THSD7B: variants seen among roughly 807,000 people sequenced by gnomAD.
THSD7B encodes thrombospondin type-1 domain-containing protein 7B.
Under a neutral mutation model 213.6 loss-of-function variants are expected in THSD7B, and 138 were observed. The observed-to-expected ratio is 0.65, with a 90% confidence interval of 0.56 to 0.74. The LOEUF (loss-of-function observed/expected upper bound fraction) is 0.74. Among genes scored for constraint, THSD7B ranks in the 30% least tolerant of loss-of-function variants. The pLI, the probability that THSD7B is intolerant of heterozygous loss-of-function variation, is 0.00. For missense variants in THSD7B, 1,931 were observed against 1,991.5 expected (o/e 0.97, Z 0.58); for synonymous variants, 742 against 687.0 (o/e 1.08, Z -1.25).
chr2:137,278,148 G>C (rs1009255342), intron 12 of THSD7B, among the ~76,000 whole-genome samples: 2 of 151,928 alleles, frequency 1.3e-5, no homozygotes, highest in African/African-American at 4.8e-5. Flanking sequence ...AGAGAAATGA[G>C]AATATAAAGG....
rs1558834393 is a variant in THSD7B at position 137,546,435 on chromosome 2, T to TATATAA, written c.3139-16786_3139-16785insATATAA. ...ATATATTATATATATTATATATATA[T>TATATAA]TATATATATTATATATATATTATAT... On this transcript the variant is annotated intron_variant, in intron 15 of 27. Transcript: ENST00000409968. Among the ~76,000 whole-genome samples the TATATAA allele has an allele frequency of 4.9e-4, 16 of 32,738 alleles. 3 individuals are homozygous for TATATAA. The highest frequency in any genetic ancestry group is 2.9e-3 in the African/African-American group (15 of 5,110). 21.5% of individuals were successfully genotyped at this position (32,738 alleles called of 152,430 possible).
At chr2:136,947,620 CT>C (rs1052104838) in intron 2 of THSD7B, among the ~76,000 whole-genome samples, 2 of 152,070 alleles carry the variant, frequency 1.3e-5, no homozygotes, top group African/African-American at 2.4e-5. Flanking sequence ...TGTCTTGCCC[CT>C]GGTCACGTCC....
At chr2:137,606,562 T>C (rs1427211862) in intron 17 of THSD7B, among the ~76,000 whole-genome samples, 3 of 152,034 alleles carry the variant, frequency 2.0e-5, no homozygotes, top group Non-Finnish European at 2.9e-5. Context: ...GTCATAGAAG[T>C]GGCCCCTTCT....
chr2:137,082,636 T>C (rs764792032), intron 3 of THSD7B, among the ~76,000 whole-genome samples: 7 of 152,126 alleles, frequency 4.6e-5, no homozygotes, highest in Non-Finnish European at 8.8e-5. Context: ...ATTACTTATA[T>C]TTTTGGGTTT....
chr2:137,504,636 T>C (rs1233591040), intron 15 of THSD7B, among the ~76,000 whole-genome samples: 1 of 152,258 alleles, frequency 6.6e-6, no homozygotes, highest in Non-Finnish European at 1.5e-5. Context: ...CTGTTCATTA[T>C]TTGTCTTTTC....
At chr2:136,810,971 C>G (rs925084826) in intron 1 of THSD7B, among the ~76,000 whole-genome samples, 31 of 152,126 alleles carry the variant, frequency 2.0e-4, no homozygotes, top group African/African-American at 7.5e-4. Context: ...GCTGCATTAA[C>G]CAGCTCTCAA....
chr2:137,170,841 C>A lies in THSD7B; in HGVS notation c.1626C>A (p.Cys542Ter). Residue 542 changes from cysteine (C) to a stop codon, truncating the protein, a stop_gained, in exon 7 of 28, where the codon TGC (cysteine) becomes TGA (stop). Coordinates refer to ENST00000409968, the MANE Select transcript of THSD7B (RefSeq NM_001316349.2). LOFTEE classifies it high-confidence loss of function. The stretch of plus-strand genomic sequence containing the variant: ...CTGTTCCTTGTGAGGATCCAATGTG[C>A]TACCGATGGCTGGCATCAGAAGGGA... ...VESVPCEDPM[C>*]YRWLASEGIC... 1 of 1,613,698 alleles carries A rather than the reference C, an allele frequency of 6.2e-7. No homozygotes were observed. Among genetic ancestry groups the A allele is most frequent in the Non-Finnish European group, 8.5e-7 (1 of 1,179,778 alleles).
At chr2:136,780,047 T>G (rs1384159957) in intron 1 of THSD7B, among the ~76,000 whole-genome samples, 2 of 151,538 alleles carry the variant, frequency 1.3e-5, no homozygotes, top group Non-Finnish European at 2.9e-5. Context: ...TTGAGGGGGG[T>G]GTGTGTGTCT....
intron 18 of THSD7B, among the ~76,000 whole-genome samples, chr2:137,617,778 T>A (rs138769708): frequency 6.6e-6 from 1 of 152,040 alleles, no homozygotes; most frequent in Admixed American, 6.6e-5. Flanking sequence ...CTAGATTCAG[T>A]GTCTGGTGAG....
In THSD7B at chr2:137,367,049, A is replaced by C. The variant is rs541678658; in HGVS notation, c.2501-38564A>C. 5.3e-5 allele frequency among the ~76,000 whole-genome samples: 8 copies of C among 152,236 alleles called. No homozygotes were observed. The East Asian group carries it at 5.8e-4, about 11-fold the overall frequency. The stretch of plus-strand genomic sequence containing the variant: ...TTTCAGACTTCATTCACCTGGGTAG[A>C]TAAATAAAATTTAAAAATGAATGGT... On this transcript the variant is annotated intron_variant, in intron 12 of 27. Coordinates refer to ENST00000409968, the MANE Select transcript of THSD7B (RefSeq NM_001316349.2).
At chr2:137,123,439 A>G (rs1229508046) in intron 5 of THSD7B, among the ~76,000 whole-genome samples, 1 of 152,120 alleles carries the variant, frequency 6.6e-6, no homozygotes, top group Non-Finnish European at 1.5e-5. Flanking sequence ...ATCACTATGT[A>G]TCTTTGTGGT....
intron 1 of THSD7B, among the ~76,000 whole-genome samples, chr2:136,824,370 T>C (rs1293680809): frequency 2.0e-5 from 3 of 152,072 alleles, no homozygotes; most frequent in African/African-American, 7.2e-5. Context: ...TAAGCTCCCT[T>C]TGATTATTTA....
At chr2:137,455,203 G>A (rs1465906927) in intron 15 of THSD7B, among the ~76,000 whole-genome samples, 2 of 152,142 alleles carry the variant, frequency 1.3e-5, no homozygotes, top group Non-Finnish European at 2.9e-5. Flanking sequence ...TTCACTGGAA[G>A]CCTCATTTGA....
At chr2:136,991,240 G>C (rs1685777556) in intron 2 of THSD7B, among the ~76,000 whole-genome samples, 1 of 152,142 alleles carries the variant, frequency 6.6e-6, no homozygotes, top group South Asian at 2.1e-4. Flanking sequence ...AGCTCAAAGA[G>C]CTCACCATTT....
intron 14 of THSD7B, among the ~76,000 whole-genome samples, chr2:137,421,985 A>G (rs1362005569): frequency 3.3e-5 from 5 of 152,168 alleles, no homozygotes; most frequent in African/African-American, 9.7e-5. Context: ...AAACCTGAAA[A>G]TCTTTGGGCT....
At chr2:136,976,182 T>A (rs1188863682) in intron 2 of THSD7B, among the ~76,000 whole-genome samples, 1 of 152,186 alleles carries the variant, frequency 6.6e-6, no homozygotes, top group Non-Finnish European at 1.5e-5. Context: ...CCTGATTTCC[T>A]TGTCCAGAAC....
chr2:137,390,893 G>GTT (rs111491372), intron 12 of THSD7B, among the ~76,000 whole-genome samples: 12 of 152,080 alleles, frequency 7.9e-5, no homozygotes, highest in African/African-American at 2.4e-4. Context: ...CTTGATCATG[G>GTT]TGTATTTTTT....
intron 2 of THSD7B, among the ~76,000 whole-genome samples, chr2:136,888,056 C>G (rs1487128853): frequency 6.6e-6 from 1 of 152,004 alleles, no homozygotes; most frequent in East Asian, 1.9e-4. Flanking sequence ...TTTACTTGTG[C>G]TTTTATGTTA....
chr2:137,677,489 C>T lies in THSD7B; in HGVS notation c.*884C>T, dbSNP rs1190258513. ...TTTCTTATCTGAATATTTATAAATTCTTCTTTCAAATTTAATTATCTGACC... is the reference window on the plus strand; with the variant it reads ...TTTCTTATCTGAATATTTATAAATTTTTCTTTCAAATTTAATTATCTGACC... On this transcript the variant is annotated 3_prime_UTR_variant, in exon 28 of 28. Coordinates refer to ENST00000409968, the MANE Select transcript of THSD7B (RefSeq NM_001316349.2). 1 of 152,490 alleles carries T rather than the reference C, an allele frequency of 6.6e-6. No homozygotes were observed. Among genetic ancestry groups the T allele is most frequent in the African/African-American group, 2.4e-5 (1 of 41,428 alleles). The allele number at this position is 152,490 out of a possible 1,614,324, so 9.4% of individuals were successfully genotyped here.
Sources: gnomAD v4.1 joint callset for allele counts (sites outside exome capture counted in the v4.1 genomes callset) on GRCh38, gnomAD v4.1.1 for gene constraint, MANE v1.5 for transcripts, NCBI Gene and HGNC (gene_info 2026-07-23, HGNC 2026-07-21) for gene names.